MMP26: variants seen among roughly 807,000 people sequenced by gnomAD.
MMP26 encodes the protein matrix metalloproteinase-26.
In MMP26, 33 loss-of-function variants were observed where a neutral mutation model predicts 31.0. That is an observed-to-expected ratio of 1.06 (90% CI 0.81 to 1.42). The LOEUF (loss-of-function observed/expected upper bound fraction) is 1.42. Ranked by LOEUF, MMP26 falls within the 40% of genes most tolerant of loss-of-function variation. MMP26 has a pLI of 0.00. For synonymous variants in MMP26, 122 were observed against 114.9 expected (o/e 1.06, Z -0.40); for missense variants, 347 against 316.1 (o/e 1.10, Z -0.74).
chr11:4,929,608 A>G (rs1379581660), intron 2 of MMP26, among the ~76,000 whole-genome samples: 1 of 152,136 alleles, frequency 6.6e-6, no homozygotes, highest in Non-Finnish European at 1.5e-5. Flanking sequence ...AATTAATTTT[A>G]CTCCCTTTTT....
intron 2 of MMP26, among the ~76,000 whole-genome samples, chr11:4,941,516 A>G (rs1290766478): frequency 2.6e-5 from 4 of 152,202 alleles, no homozygotes; most frequent in African/African-American, 9.6e-5. Flanking sequence ...TAATGTGCAA[A>G]TAAATTATCT....
chr11:4,745,027 G>A (rs1385236231), intron 1 of MMP26, among the ~76,000 whole-genome samples: 2 of 152,026 alleles, frequency 1.3e-5, no homozygotes, highest in African/African-American at 4.8e-5. Flanking sequence ...ATAGTTTCAT[G>A]TATTGCAATT....
chr11:4,821,276 G>T (rs11034073), intron 2 of MMP26: 75,105 of 896,500 alleles, frequency 0.084, 3,803 homozygotes, highest in Middle Eastern at 0.11. Context: ...GCTCTGGGAA[G>T]CTAAAAAGAA....
Position 4,917,905 on chromosome 11 carries a change from ATTTC to A in MMP26, c.-144-70156_-144-70153del, listed in dbSNP as rs556893679. On this transcript the variant is annotated intron_variant, in intron 2 of 7. Transcript: ENST00000380390. The stretch of plus-strand genomic sequence containing the variant: ...ATAGTAGATACTCTTCAGTAATTCT[ATTTC>A]TTTCTTCTTCACCACCCTATTTCAT... 3.2e-4 allele frequency among the ~76,000 whole-genome samples: 49 copies of A among 151,910 alleles called. No individual in the cohort carries two copies. The South Asian group carries it at 3.5e-3, about 11-fold the overall frequency.
intron 2 of MMP26, among the ~76,000 whole-genome samples, chr11:4,852,341 T>A (rs1253251615): frequency 6.6e-6 from 1 of 152,088 alleles, no homozygotes; most frequent in Non-Finnish European, 1.5e-5. Context: ...AAAAACACCA[T>A]GAATCGGAAA....
At chr11:4,929,467 A>C (rs1436063218) in intron 2 of MMP26, among the ~76,000 whole-genome samples, 1 of 145,916 alleles carries the variant, frequency 6.9e-6, no homozygotes, top group Non-Finnish European at 1.5e-5. Flanking sequence ...AATTAGCATC[A>C]ATGTCAAAAG....
chr11:4,992,243 T>C lies in MMP26; in HGVS notation c.*1T>C, dbSNP rs1423534255. 6.2e-7 allele frequency: 1 copy of C among 1,608,440 alleles called. No individual in the cohort carries two copies. Among genetic ancestry groups the C allele is most frequent in the Non-Finnish European group, 8.5e-7 (1 of 1,177,314 alleles). ...AAAATGTTCATCTGACATACCTTAA[T>C]GTTAGCACAGAGGACTTATTCAACC... On this transcript the variant is annotated 3_prime_UTR_variant, in exon 8 of 8. Coordinates refer to ENST00000380390, the MANE Select transcript of MMP26 (RefSeq NM_021801.5).
intron 2 of MMP26, among the ~76,000 whole-genome samples, chr11:4,939,994 A>G (rs1395433120): frequency 6.6e-6 from 1 of 152,058 alleles, no homozygotes; most frequent in Non-Finnish European, 1.5e-5. Context: ...TGTCTTAAAG[A>G]TTGCATTATT....
intron 2 of MMP26, among the ~76,000 whole-genome samples, chr11:4,977,043 C>G (rs1846747436): frequency 6.6e-6 from 1 of 151,978 alleles, no homozygotes; most frequent in East Asian, 1.9e-4. Context: ...TCTATATACC[C>G]TTTGTTCATT....
chr11:4,968,781 T>C (rs1378929482), intron 2 of MMP26, among the ~76,000 whole-genome samples: 1 of 152,010 alleles, frequency 6.6e-6, no homozygotes, highest in East Asian at 1.9e-4. Context: ...TCCACTTACA[T>C]ATTTAGTCAA....
chr11:4,779,796 A>G (rs1848834575), intron 2 of MMP26, among the ~76,000 whole-genome samples: 1 of 152,116 alleles, frequency 6.6e-6, no homozygotes. Flanking sequence ...ACGGAATAGA[A>G]CCATTAACCA....
intron 2 of MMP26, chr11:4,769,731 A>C: frequency 6.2e-7 from 1 of 1,613,800 alleles, no homozygotes; most frequent in Non-Finnish European, 8.5e-7. Context: ...AAGAGGAAAT[A>C]ATACATGGGT....
intron 2 of MMP26, among the ~76,000 whole-genome samples, chr11:4,894,736 C>A (rs1025207667): frequency 1.3e-5 from 2 of 151,948 alleles, no homozygotes; most frequent in Non-Finnish European, 2.9e-5. Context: ...ACAGCTGGAG[C>A]CTTATAAAGC....
At chr11:4,738,412 C>T (rs1217347174) in intron 1 of MMP26, among the ~76,000 whole-genome samples, 3 of 152,114 alleles carry the variant, frequency 2.0e-5, no homozygotes, top group South Asian at 2.1e-4. Context: ...GTTAAGACTG[C>T]CACCGTGAGA....
chr11:4,933,035 G>A (rs1049668212), intron 2 of MMP26, among the ~76,000 whole-genome samples: 4 of 152,100 alleles, frequency 2.6e-5, no homozygotes, highest in Non-Finnish European at 5.9e-5. Context: ...ATTTCTCTAC[G>A]ATGTTAAATT....
chr11:4,787,233 A>G (rs1848960092), intron 2 of MMP26: 1 of 152,278 alleles, frequency 6.6e-6, no homozygotes. Context: ...GCCTCTGTCC[A>G]TCCCTCTTTC....
At chr11:4,714,920 T>TCTCTCACACA (rs376354906) in intron 1 of MMP26, among the ~76,000 whole-genome samples, 45 of 141,784 alleles carry the variant, frequency 3.2e-4, no homozygotes, top group Middle Eastern at 3.5e-3. Flanking sequence ...TCTCTCTCTC[T>TCTCTCACACA]CACACACACA....
At chr11:4,928,733 A>C (rs181839008) in intron 2 of MMP26, among the ~76,000 whole-genome samples, 34 of 152,276 alleles carry the variant, frequency 2.2e-4, no homozygotes, top group African/African-American at 7.9e-4. Context: ...TTGTACTTCA[A>C]GGTTCTGCTG....
intron 2 of MMP26, among the ~76,000 whole-genome samples, chr11:4,912,183 T>C (rs892555125): frequency 4.6e-5 from 7 of 152,208 alleles, no homozygotes; most frequent in South Asian, 2.1e-4. Flanking sequence ...GTTTTACATA[T>C]ATGATATGTC....
Sources: allele counts gnomAD v4.1 joint callset (sites outside exome capture counted in the v4.1 genomes callset), GRCh38; gene constraint gnomAD v4.1.1; transcripts MANE v1.5; gene names NCBI Gene and HGNC (gene_info 2026-07-23, HGNC 2026-07-21).